FRMD4A: variants seen among roughly 807,000 people sequenced by gnomAD.
FRMD4A encodes the protein FERM domain containing 4A.
In FRMD4A, 29 loss-of-function variants were observed where a neutral mutation model predicts 129.1. That is an observed-to-expected ratio of 0.22 (90% CI 0.17 to 0.31). The LOEUF (loss-of-function observed/expected upper bound fraction) is 0.31. Ranked by LOEUF, FRMD4A falls within the 10% of genes least tolerant of loss-of-function variation. The pLI is 1.00. For synonymous variants in FRMD4A, 634 were observed against 571.6 expected, an observed-to-expected ratio of 1.11 and a Z score of -1.56; for missense variants, 1,272 against 1,375.8, an observed-to-expected ratio of 0.92 and a Z score of 1.19.
chr10:13,685,273 G>C (rs1564606875), intron 15 of FRMD4A: 3 of 985,102 alleles, frequency 3.0e-6, no homozygotes, highest in Non-Finnish European at 3.6e-6. Flanking sequence ...GATGGTGGCT[G>C]GGAGTCTCTG....
chr10:14,096,855 C>T (rs1049786601), intron 2 of FRMD4A, among the ~76,000 whole-genome samples: 13 of 152,130 alleles, frequency 8.5e-5, no homozygotes, highest in Non-Finnish European at 1.9e-4. Context: ...AAAAAGCAGG[C>T]CGGGTGCGGT....
intron 2 of FRMD4A, among the ~76,000 whole-genome samples, chr10:14,059,328 A>G (rs1206875803): frequency 6.6e-6 from 1 of 152,232 alleles, no homozygotes. Context: ...CCTGTATTGA[A>G]TCCCCAACCA....
At chr10:14,248,641 TACAATATA>T (rs76785077) in intron 2 of FRMD4A, among the ~76,000 whole-genome samples, 41,426 of 152,152 alleles carry the variant, frequency 0.27, 5,752 homozygotes, top group Middle Eastern at 0.34. Context: ...CAAGGAGTTC[TACAATATA>T]ACTATTTACC....
At chr10:13,709,469 A>T (rs2087797256) in intron 12 of FRMD4A, among the ~76,000 whole-genome samples, 1 of 152,140 alleles carries the variant, frequency 6.6e-6, no homozygotes, top group Admixed American at 6.5e-5. Context: ...ATTAAAAGAG[A>T]GTAACTCCAG....
rs117344666 is a variant in FRMD4A, at chr10:14,093,094, A to G, written c.46-234182T>C. On this transcript the variant is annotated intron_variant, in intron 2 of 24. Coordinates refer to ENST00000357447, the MANE Select transcript of FRMD4A (RefSeq NM_018027.5). ...GGGGCACGGACGGGGATCACATGAG[A>G]GAGGGGAGGTACAGAGGCCGTGGAA... Among the ~76,000 whole-genome samples, 1,251 of 152,198 alleles carry G rather than the reference A, an allele frequency of 8.2e-3. 82 individuals are homozygous for G. In the East Asian group the frequency reaches 0.16, roughly 20 times the overall value.
chr10:13,786,191 C>T (rs916052071), intron 5 of FRMD4A, among the ~76,000 whole-genome samples: 7 of 152,210 alleles, frequency 4.6e-5, no homozygotes, highest in African/African-American at 1.7e-4. Context: ...CTTGAGGAAT[C>T]GCCACACTGT....
At chr10:14,201,173 G>A (rs186954300) in intron 2 of FRMD4A, among the ~76,000 whole-genome samples, 13 of 152,304 alleles carry the variant, frequency 8.5e-5, no homozygotes, top group Middle Eastern at 3.4e-3. Context: ...TGCAGCTCAC[G>A]GGGATCTTCC....
chr10:14,140,960 TAGA>T (rs1564333328), intron 2 of FRMD4A, among the ~76,000 whole-genome samples: 1 of 151,982 alleles, frequency 6.6e-6, no homozygotes, highest in African/African-American at 2.4e-5. Flanking sequence ...CCAGCAATTG[TAGA>T]AGGACAGCAG....
At chr10:14,006,071 C>T (rs1336103644) in intron 2 of FRMD4A, among the ~76,000 whole-genome samples, 1 of 152,208 alleles carries the variant, frequency 6.6e-6, no homozygotes, top group Non-Finnish European at 1.5e-5. Flanking sequence ...CTCTCCTCCT[C>T]TTCTATAAAC....
chr10:13,868,996 T>C (rs2094408137), intron 2 of FRMD4A, among the ~76,000 whole-genome samples: 1 of 152,204 alleles, frequency 6.6e-6, no homozygotes, highest in Admixed American at 6.5e-5. Context: ...GGTTTGCACT[T>C]CAAGTCATAA....
chr10:13,953,913 T>G (rs1394362565), intron 2 of FRMD4A, among the ~76,000 whole-genome samples: 1 of 152,186 alleles, frequency 6.6e-6, no homozygotes. Context: ...GTATCAATTA[T>G]TTTTACCTTT....
chr10:14,136,289 A>T (rs1374504265), intron 2 of FRMD4A, among the ~76,000 whole-genome samples: 1 of 152,222 alleles, frequency 6.6e-6, no homozygotes, highest in Non-Finnish European at 1.5e-5. Context: ...ACAACTACAA[A>T]GATAAAAAGG....
chr10:14,048,332 A>G lies in FRMD4A; in HGVS notation c.46-189420T>C, dbSNP rs151078333. ...TGGCCAGCAAACTTTGTAACTGCCTATTTGCTTCATTTTCCTCTTAATAGC... is the reference window on the plus strand; with the variant it reads ...TGGCCAGCAAACTTTGTAACTGCCTGTTTGCTTCATTTTCCTCTTAATAGC... On this transcript the variant is annotated intron_variant, in intron 2 of 24. Coordinates refer to ENST00000357447, the MANE Select transcript of FRMD4A (RefSeq NM_018027.5). Among the ~76,000 whole-genome samples, 324 of 152,264 alleles carry G rather than the reference A, an allele frequency of 2.1e-3. 2 individuals are homozygous for G. The highest frequency in any genetic ancestry group is 7.4e-3 in the African/African-American group (308 of 41,548).
chr10:13,839,973 T>C (rs1218081306), intron 3 of FRMD4A, among the ~76,000 whole-genome samples: 2 of 152,178 alleles, frequency 1.3e-5, no homozygotes, highest in Non-Finnish European at 2.9e-5. Flanking sequence ...TGTGTCCCTA[T>C]AAAAATGACG....
intron 22 of FRMD4A, chr10:13,654,775 GAC>G (rs1295935209): frequency 2.0e-6 from 1 of 505,620 alleles, no homozygotes; most frequent in African/African-American, 2.0e-5. Context: ...GAGTCAAGCT[GAC>G]CTGGGATCCT....
chr10:13,681,128 T>C (rs2084541377), intron 15 of FRMD4A, among the ~76,000 whole-genome samples: 1 of 152,200 alleles, frequency 6.6e-6, no homozygotes, highest in Non-Finnish European at 1.5e-5. Context: ...ATTTTTGCAA[T>C]TTTTACAACA....
chr10:13,789,985 G>A (rs1330536829), intron 5 of FRMD4A, among the ~76,000 whole-genome samples: 2 of 152,138 alleles, frequency 1.3e-5, no homozygotes, highest in Non-Finnish European at 2.9e-5. Context: ...GAGTTTGGAA[G>A]GGGTCAAGGC....
rs117333901 is a variant in FRMD4A at position 14,220,616 on chromosome 10, C to A, written c.45+109442G>T. On this transcript the variant is annotated intron_variant, in intron 2 of 24. Coordinates refer to ENST00000357447, the MANE Select transcript of FRMD4A (RefSeq NM_018027.5). Reference sequence around the variant, plus strand: ...AGAGGAAATTCACTTATCTTGAAAGCTTTCTGATTCTGCAGTAAATGACTC... The same window carrying A: ...AGAGGAAATTCACTTATCTTGAAAGATTTCTGATTCTGCAGTAAATGACTC... 2.1e-3 allele frequency among the ~76,000 whole-genome samples: 317 copies of A among 152,328 alleles called. 3 individuals are homozygous for A. Among genetic ancestry groups the A allele is most frequent in the Non-Finnish European group, 3.8e-3 (259 of 68,022 alleles).
At chr10:13,676,428 ATTTTTTTT>A (rs60180649) in intron 15 of FRMD4A, among the ~76,000 whole-genome samples, 2 of 128,886 alleles carry the variant, frequency 1.6e-5, no homozygotes, top group Non-Finnish European at 3.3e-5. Context: ...ACACCCAGCT[ATTTTTTTT>A]TTTTTTTTTT....
Sources: gnomAD v4.1 joint callset for allele counts (sites outside exome capture counted in the v4.1 genomes callset) on GRCh38, gnomAD v4.1.1 for gene constraint, MANE v1.5 for transcripts, NCBI Gene and HGNC (gene_info 2026-07-23, HGNC 2026-07-21) for gene names.